POFUT3: variants seen among roughly 807,000 people sequenced by gnomAD.
The protein encoded by POFUT3 is GDP-fucose protein O-fucosyltransferase 3.
the POFUT3 span, chr8:33,453,540 C>A: frequency 2.6e-6 from 4 of 1,534,762 alleles, no homozygotes; most frequent in South Asian, 5.1e-5. Flanking sequence ...TTATCAGTGT[C>A]AAACTGTTTG....
chr8:33,312,204 G>A, the POFUT3 span, among the ~76,000 whole-genome samples: 3,722 of 151,812 alleles, frequency 0.025, 57 homozygotes, highest in Non-Finnish European at 0.036. Context: ...AGAGGTTGCA[G>A]TTAGCTGAGA....
the POFUT3 span, among the ~76,000 whole-genome samples, chr8:33,458,662 G>A: frequency 6.6e-6 from 1 of 152,002 alleles, no homozygotes; most frequent in Non-Finnish European, 1.5e-5. Flanking sequence ...GTTGCAGTGA[G>A]CCCAGATCGC....
chr8:33,421,425 A>G, the POFUT3 span, among the ~76,000 whole-genome samples: 1 of 152,148 alleles, frequency 6.6e-6, no homozygotes, highest in Non-Finnish European at 1.5e-5. Context: ...GTCATATCCT[A>G]TTAGGATATG....
At chr8:33,403,271 CGT>C in the POFUT3 span, among the ~76,000 whole-genome samples, 22 of 147,324 alleles carry the variant, frequency 1.5e-4, no homozygotes, top group Admixed American at 2.0e-4. Context: ...ATGGTGTGTG[CGT>C]GTGTGTGTGT....
chr8:33,345,398 CTT>C, the POFUT3 span, among the ~76,000 whole-genome samples: 166 of 122,436 alleles, frequency 1.4e-3, no homozygotes, highest in African/African-American at 3.1e-3. Flanking sequence ...GTATATTTTA[CTT>C]TTTTTTTTTT....
the POFUT3 span, among the ~76,000 whole-genome samples, chr8:33,356,404 G>T: frequency 6.6e-6 from 1 of 152,186 alleles, no homozygotes; most frequent in African/African-American, 2.4e-5. Context: ...GTTTTGATTT[G>T]CACTTCTCTG....
chr8:33,326,558 T>C, the POFUT3 span, among the ~76,000 whole-genome samples: 3 of 152,232 alleles, frequency 2.0e-5, no homozygotes, highest in Admixed American at 1.3e-4. Context: ...GTCTACTTCC[T>C]ACTGAGCTCA....
chr8:33,377,259 A>G, the POFUT3 span, among the ~76,000 whole-genome samples: 1 of 152,102 alleles, frequency 6.6e-6, no homozygotes, highest in Non-Finnish European at 1.5e-5. Flanking sequence ...TTGACTATAA[A>G]AGGGGAAGTT....
chr8:33,448,842 G>C, the POFUT3 span, among the ~76,000 whole-genome samples: 2 of 151,930 alleles, frequency 1.3e-5, no homozygotes, highest in Non-Finnish European at 2.9e-5. Context: ...ACTGAGGCAG[G>C]AGAATCGCCT....
the POFUT3 span, among the ~76,000 whole-genome samples, chr8:33,419,806 C>A: frequency 1.3e-5 from 2 of 151,952 alleles, no homozygotes; most frequent in African/African-American, 4.8e-5. Context: ...ATTTAAACTT[C>A]ATTTATTTAT....
chr8:33,345,659 C>A, the POFUT3 span, among the ~76,000 whole-genome samples: 2 of 151,652 alleles, frequency 1.3e-5, no homozygotes, highest in African/African-American at 4.8e-5. Flanking sequence ...CGTAGGCCTC[C>A]CAAACTGCTG....
chr8:33,390,121 G>A, the POFUT3 span, among the ~76,000 whole-genome samples: 35 of 152,198 alleles, frequency 2.3e-4, no homozygotes, highest in African/African-American at 4.6e-4. Context: ...ACTTGAACCC[G>A]GGAGGTGAAG....
chr8:33,359,273 T>A, the POFUT3 span, among the ~76,000 whole-genome samples: 2 of 152,244 alleles, frequency 1.3e-5, no homozygotes, highest in African/African-American at 4.8e-5. Context: ...CAAAAAAAGA[T>A]GTTGTGGGAA....
chr8:33,366,966 G>A, the POFUT3 span, among the ~76,000 whole-genome samples: 4,036 of 152,134 alleles, frequency 0.027, 174 homozygotes, highest in African/African-American at 0.093. Flanking sequence ...TGCACTGGCC[G>A]AACATGGTGG....
At chr8:33,472,512 T>C in the POFUT3 span, among the ~76,000 whole-genome samples, 1 of 152,208 alleles carries the variant, frequency 6.6e-6, no homozygotes, top group East Asian at 1.9e-4. Context: ...CGGTTGCCGG[T>C]GCTTTCCTGG....
At chr8:33,347,174 G>T in the POFUT3 span, among the ~76,000 whole-genome samples, 87 of 151,998 alleles carry the variant, frequency 5.7e-4, no homozygotes, top group Non-Finnish European at 4.4e-5. Context: ...AAAAAAACAA[G>T]CATCTCCACC....
chr8:33,318,269 C>T, the POFUT3 span, among the ~76,000 whole-genome samples: 3 of 151,218 alleles, frequency 2.0e-5, no homozygotes, highest in Admixed American at 1.3e-4. Context: ...TTTCACTTAA[C>T]CTAAAAAGGA....
the POFUT3 span, chr8:33,455,984 G>A: frequency 2.7e-6 from 1 of 367,400 alleles, no homozygotes; most frequent in Admixed American, 3.6e-5. Flanking sequence ...AAAAAGTCAT[G>A]GATCACCTGA....
At chr8:33,464,510 A>G in the POFUT3 span, among the ~76,000 whole-genome samples, 1 of 152,182 alleles carries the variant, frequency 6.6e-6, no homozygotes, top group Non-Finnish European at 1.5e-5. Flanking sequence ...TTTTAGCATT[A>G]ATACTATAAA....
Sources: gnomAD v4.1 joint callset for allele counts (sites outside exome capture counted in the v4.1 genomes callset) on GRCh38, gnomAD v4.1.1 for gene constraint, MANE v1.5 for transcripts, NCBI Gene and HGNC (gene_info 2026-07-23, HGNC 2026-07-21) for gene names.